KCNIP4: variants seen among roughly 807,000 people sequenced by gnomAD.
KCNIP4 encodes potassium voltage-gated channel interacting protein 4.
KCNIP4 carries 12 observed loss-of-function variants against 34.0 expected under a neutral mutation model. That is an observed-to-expected ratio of 0.35 (90% CI 0.23 to 0.57). The LOEUF is 0.57. Among genes scored for constraint, KCNIP4 ranks in the 20% least tolerant of loss-of-function variants. The probability of loss-of-function intolerance (pLI) is 0.83; values close to 1 mark genes in which losing one functional copy is unlikely to be tolerated. For missense variants in KCNIP4, 238 were observed against 311.7 expected (o/e 0.76, Z 1.78); for synonymous variants, 124 against 102.2 (o/e 1.21, Z -1.29).
chr4:21,483,510 C>T (rs1348520482), intron 1 of KCNIP4, among the ~76,000 whole-genome samples: 1 of 151,990 alleles, frequency 6.6e-6, no homozygotes, highest in African/African-American at 2.4e-5. Flanking sequence ...AGTGTGTGGG[C>T]CGGGCGTGGT....
At chr4:21,114,591 C>A (rs1423936161) in intron 1 of KCNIP4, among the ~76,000 whole-genome samples, 6 of 152,080 alleles carry the variant, frequency 3.9e-5, no homozygotes, top group African/African-American at 1.2e-4. Context: ...GAAATACTAA[C>A]CACAATAGAT....
In KCNIP4 at chr4:21,042,137, T is replaced by C. The variant is rs1378569625; in HGVS notation, c.62-159428A>G. On this transcript the variant is annotated intron_variant, in intron 1 of 8. Coordinates refer to ENST00000382152, the MANE Select transcript of KCNIP4 (RefSeq NM_025221.6). Reference sequence around the variant, plus strand: ...GAGATGGGAGCCGCCTTAAGGGTGTTGGGCATTTCCCTATGATTCACAAAG... The same window carrying C: ...GAGATGGGAGCCGCCTTAAGGGTGTCGGGCATTTCCCTATGATTCACAAAG... Among the ~76,000 whole-genome samples the C allele has an allele frequency of 2.6e-5, 4 of 152,296 alleles. No individual in the cohort carries two copies. In the South Asian group the frequency reaches 6.2e-4, roughly 24 times the overall value.
intron 1 of KCNIP4, among the ~76,000 whole-genome samples, chr4:21,557,923 T>A (rs976553321): frequency 6.6e-6 from 1 of 152,146 alleles, no homozygotes; most frequent in African/African-American, 2.4e-5. Context: ...GATGAAGAAA[T>A]GTACATGGGA....
At chr4:21,714,801 TTTA>T (rs1471526842) in intron 1 of KCNIP4, among the ~76,000 whole-genome samples, 1 of 822 alleles carries the variant, frequency 1.2e-3, no homozygotes, top group African/African-American at 0.026. Flanking sequence ...TTTATTTTAT[TTTA>T]TTTTATTTTA....
chr4:21,627,819 C>A (rs559463009), intron 1 of KCNIP4, among the ~76,000 whole-genome samples: 2 of 152,070 alleles, frequency 1.3e-5, no homozygotes, highest in Non-Finnish European at 2.9e-5. Context: ...TAATAAGTGT[C>A]GGTCATTAAT....
intron 3 of KCNIP4, among the ~76,000 whole-genome samples, chr4:20,809,361 G>C (rs1220446745): frequency 6.6e-6 from 1 of 152,144 alleles, no homozygotes; most frequent in East Asian, 1.9e-4. Context: ...AATATGTAGA[G>C]CTTTTGGAGA....
intron 1 of KCNIP4, among the ~76,000 whole-genome samples, chr4:21,355,733 G>T (rs999745266): frequency 2.0e-5 from 3 of 152,136 alleles, no homozygotes; most frequent in Non-Finnish European, 4.4e-5. Context: ...ACAAAGAGGA[G>T]CTGGTACCAT....
At chr4:21,114,078 C>T (rs573545404) in intron 1 of KCNIP4, among the ~76,000 whole-genome samples, 1 of 150,526 alleles carries the variant, frequency 6.6e-6, no homozygotes, top group African/African-American at 2.5e-5. Context: ...CTGATTCAGT[C>T]TTATCAGAGC....
At chr4:21,378,797 A>G (rs576788030) in intron 1 of KCNIP4, among the ~76,000 whole-genome samples, 2 of 152,110 alleles carry the variant, frequency 1.3e-5, no homozygotes, top group Non-Finnish European at 2.9e-5. Context: ...ATACTTTTCT[A>G]TTTTTGTTTA....
chr4:21,613,140 G>A (rs1433254465), intron 1 of KCNIP4, among the ~76,000 whole-genome samples: 3 of 152,076 alleles, frequency 2.0e-5, no homozygotes, highest in Non-Finnish European at 4.4e-5. Context: ...ATTCATTATG[G>A]TATACTGTTG....
intron 1 of KCNIP4, among the ~76,000 whole-genome samples, chr4:21,902,246 A>G (rs906596563): frequency 6.6e-5 from 10 of 152,116 alleles, no homozygotes; most frequent in African/African-American, 2.4e-4. Context: ...CATCACACAG[A>G]GGACATCATC....
At chr4:21,643,971 A>G (rs1264442849) in intron 1 of KCNIP4, among the ~76,000 whole-genome samples, 2 of 152,102 alleles carry the variant, frequency 1.3e-5, no homozygotes, top group Non-Finnish European at 2.9e-5. Context: ...TAATTAATGT[A>G]TCCCCAATGC....
intron 3 of KCNIP4, among the ~76,000 whole-genome samples, chr4:20,833,733 A>T (rs9999131): frequency 0.39 from 58,840 of 151,910 alleles, 12,043 homozygotes; most frequent in Non-Finnish European, 0.46. Context: ...GTTATCCCAC[A>T]CACAGTGCAG....
At chr4:21,819,558 C>A (rs565058167) in intron 1 of KCNIP4, among the ~76,000 whole-genome samples, 2 of 152,286 alleles carry the variant, frequency 1.3e-5, no homozygotes, top group African/African-American at 2.4e-5. Context: ...ATTTACCCAG[C>A]ATCTTATGTT....
intron 1 of KCNIP4, among the ~76,000 whole-genome samples, chr4:21,917,861 C>A (rs1019460095): frequency 4.6e-5 from 7 of 152,166 alleles, no homozygotes; most frequent in African/African-American, 1.7e-4. Context: ...ATGGTAGTTT[C>A]TCTCAGTAAT....
intron 1 of KCNIP4, among the ~76,000 whole-genome samples, chr4:21,485,864 C>T (rs746357136): frequency 1.3e-5 from 2 of 152,148 alleles, no homozygotes; most frequent in Non-Finnish European, 2.9e-5. Context: ...ATAAAGTAGC[C>T]ACTTCACCAA....
At chr4:21,726,619 T>C (rs1715214329) in intron 1 of KCNIP4, among the ~76,000 whole-genome samples, 1 of 152,174 alleles carries the variant, frequency 6.6e-6, no homozygotes, top group African/African-American at 2.4e-5. Flanking sequence ...TAAGATTAGA[T>C]TCCACGTCCC....
chr4:20,737,693 T>G (rs551085070), intron 5 of KCNIP4, among the ~76,000 whole-genome samples: 53 of 152,326 alleles, frequency 3.5e-4, no homozygotes, highest in African/African-American at 1.2e-3. Flanking sequence ...GCTCTGATAC[T>G]AAGCAGTAAG....
At chr4:21,137,461 A>T (rs528408803) in intron 1 of KCNIP4, among the ~76,000 whole-genome samples, 9 of 152,256 alleles carry the variant, frequency 5.9e-5, no homozygotes, top group African/African-American at 1.9e-4. Context: ...ACAATATTTG[A>T]TACATTTGAA....
Sources: allele counts gnomAD v4.1 joint callset (sites outside exome capture counted in the v4.1 genomes callset), GRCh38; gene constraint gnomAD v4.1.1; transcripts MANE v1.5; gene names NCBI Gene and HGNC (gene_info 2026-07-23, HGNC 2026-07-21).